FRMD4B: variants seen among roughly 807,000 people sequenced by gnomAD.
FRMD4B encodes the protein FERM domain containing 4B, also known as FERM domain-containing protein 4B.
A neutral mutation model predicts 141.5 loss-of-function variants in FRMD4B; 74 were observed. The ratio of observed to expected loss-of-function variants is 0.52; its 90% CI spans 0.43 to 0.63. The LOEUF is 0.63. Among genes scored for constraint, FRMD4B ranks in the 30% least tolerant of loss-of-function variants. FRMD4B has a pLI of 0.00. For synonymous variants in FRMD4B, 506 were observed against 467.9 expected, an observed-to-expected ratio of 1.08 and a Z score of -1.05; for missense variants, 1,366 against 1,253.4, an observed-to-expected ratio of 1.09 and a Z score of -1.36.
At chr3:69,484,673 T>C (rs546926064) in intron 1 of FRMD4B, among the ~76,000 whole-genome samples, 167 of 152,090 alleles carry the variant, frequency 1.1e-3, no homozygotes, top group Non-Finnish European at 2.1e-3. Context: ...CTGAAGCTCT[T>C]AGCAGAGAGG....
At chr3:69,533,845 T>C (rs1453073649) in intron 1 of FRMD4B, among the ~76,000 whole-genome samples, 1 of 152,152 alleles carries the variant, frequency 6.6e-6, no homozygotes, top group African/African-American at 2.4e-5. Flanking sequence ...ATAGGAGAGT[T>C]CACCTTCCAT....
intron 7 of FRMD4B, among the ~76,000 whole-genome samples, chr3:69,231,010 T>C (rs2093301099): frequency 6.6e-6 from 1 of 152,044 alleles, no homozygotes; most frequent in Non-Finnish European, 1.5e-5. Context: ...CACACATAGG[T>C]GATAAAACTA....
chr3:69,505,854 C>T (rs1398775449), intron 1 of FRMD4B, among the ~76,000 whole-genome samples: 2 of 152,104 alleles, frequency 1.3e-5, no homozygotes, highest in Non-Finnish European at 2.9e-5. Flanking sequence ...ATGAAAGGAT[C>T]CTGTGGGGAA....
intron 1 of FRMD4B, chr3:69,471,867 T>G (rs1420847204): frequency 6.4e-6 from 1 of 155,232 alleles, no homozygotes; most frequent in South Asian, 2.0e-4. Flanking sequence ...GGCAGAAGTA[T>G]TTCTCCACTT....
chr3:69,367,399 T>C (rs1703697198), intron 1 of FRMD4B, among the ~76,000 whole-genome samples: 1 of 152,160 alleles, frequency 6.6e-6, no homozygotes, highest in Admixed American at 6.5e-5. Context: ...CACACATACA[T>C]GAACACATAC....
At chr3:69,391,610 C>T (rs776591211) in intron 2 of FRMD4B, among the ~76,000 whole-genome samples, 1 of 152,122 alleles carries the variant, frequency 6.6e-6, no homozygotes, top group Non-Finnish European at 1.5e-5. Flanking sequence ...AAAAAATTCC[C>T]CCCACACTAA....
rs146968540 is a variant in FRMD4B at position 69,419,457 on chromosome 3, G to A, written c.-1+13177C>T. ...TTATATTCGGCTCATTGAGCAACCC[G>A]TTGTGGAAAGTGAGATTCTCTTTCC... On this transcript the variant is annotated intron_variant, in intron 2 of 5. Transcript: ENST00000459638. Among the ~76,000 whole-genome samples, 590 of 152,238 alleles carry A rather than the reference G, an allele frequency of 3.9e-3. 3 individuals are homozygous for A. The highest frequency in any genetic ancestry group is 0.013 in the African/African-American group (558 of 41,552).
intron 22 of FRMD4B, 127 bp from the exon 23 acceptor site, chr3:69,172,108 A>C: frequency 1.3e-6 from 1 of 754,506 alleles, no homozygotes. Flanking sequence ...ATGTAGAGAT[A>C]AGGGAAAGGA....
chr3:69,265,994 C>G (rs1203639199), intron 5 of FRMD4B, among the ~76,000 whole-genome samples: 2 of 151,476 alleles, frequency 1.3e-5, no homozygotes, highest in Non-Finnish European at 2.9e-5. Context: ...CACAGTAGTT[C>G]TAGACCAGTC....
intron 5 of FRMD4B, among the ~76,000 whole-genome samples, chr3:69,284,749 A>G (rs935942779): frequency 6.6e-6 from 1 of 152,238 alleles, no homozygotes; most frequent in African/African-American, 2.4e-5. Context: ...ACTGACACAG[A>G]CATTAGGATA....
chr3:69,485,776 C>A (rs1455831589), intron 1 of FRMD4B, among the ~76,000 whole-genome samples: 1 of 152,212 alleles, frequency 6.6e-6, no homozygotes, highest in Non-Finnish European at 1.5e-5. Context: ...CTCCCCTTCA[C>A]CTGGTGCGAC....
At chr3:69,370,267 T>C (rs1703788439) in intron 1 of FRMD4B, among the ~76,000 whole-genome samples, 1 of 152,144 alleles carries the variant, frequency 6.6e-6, no homozygotes, top group Non-Finnish European at 1.5e-5. Context: ...GCAAACGGTC[T>C]GAAATGTCTG....
intron 2 of FRMD4B, among the ~76,000 whole-genome samples, chr3:69,402,767 G>A (rs1244667021): frequency 6.6e-6 from 1 of 152,080 alleles, no homozygotes; most frequent in Non-Finnish European, 1.5e-5. Context: ...GAGAATTATT[G>A]GCATCAGGAG....
At chr3:69,341,413 G>A (rs1702734966) in intron 1 of FRMD4B, among the ~76,000 whole-genome samples, 1 of 152,152 alleles carries the variant, frequency 6.6e-6, no homozygotes, top group African/African-American at 2.4e-5. Flanking sequence ...ATACCAAGAG[G>A]GAACCTGCCT....
rs115446959 is a variant in FRMD4B at position 69,442,941 on chromosome 3, G to C, written c.-128-10180C>G. Among the ~76,000 whole-genome samples, 326 of 152,310 alleles carry C rather than the reference G, an allele frequency of 2.1e-3. 2 individuals carry two copies. Among genetic ancestry groups the C allele is most frequent in the African/African-American group, 7.4e-3 (308 of 41,570 alleles). ...TCTGTTTGTTCTTCCCCAGTTCCTG[G>C]CAAAGAGCTTCTGAAATTCTTGTAA... On this transcript the variant is annotated intron_variant, in intron 1 of 5. Transcript: ENST00000459638.
At chr3:69,220,922 G>C (rs2093187809) in intron 9 of FRMD4B, among the ~76,000 whole-genome samples, 1 of 151,818 alleles carries the variant, frequency 6.6e-6, no homozygotes. Flanking sequence ...CCTTATTTCA[G>C]TTTTCACGGG....
At chr3:69,256,205 G>T (rs1286200465) in intron 5 of FRMD4B, among the ~76,000 whole-genome samples, 1 of 152,216 alleles carries the variant, frequency 6.6e-6, no homozygotes, top group African/African-American at 2.4e-5. Flanking sequence ...GATGTGATAA[G>T]GACAGAAATG....
intron 11 of FRMD4B, among the ~76,000 whole-genome samples, chr3:69,207,828 C>T (rs1289616954): frequency 1.3e-5 from 2 of 151,324 alleles, no homozygotes; most frequent in African/African-American, 4.9e-5. Context: ...AAAGAAAAAA[C>T]AATGGACATC....
intron 1 of FRMD4B, among the ~76,000 whole-genome samples, chr3:69,381,458 T>C (rs568809813): frequency 6.6e-6 from 1 of 152,310 alleles, no homozygotes; most frequent in Admixed American, 6.5e-5. Context: ...TCTAGAGTGA[T>C]GAAGCTTTGG....
Sources: allele counts gnomAD v4.1 joint callset (sites outside exome capture counted in the v4.1 genomes callset), GRCh38; gene constraint gnomAD v4.1.1; transcripts MANE v1.5; gene names NCBI Gene and HGNC (gene_info 2026-07-23, HGNC 2026-07-21).